The following FOXN3 variants were observed in gnomAD, a reference collection of about 807,000 sequenced individuals.
FOXN3 encodes forkhead box N3, also known as forkhead box protein N3.
FOXN3 carries 7 observed loss-of-function variants against 38.4 expected under a neutral mutation model. The ratio of observed to expected loss-of-function variants is 0.18; its 90% confidence interval spans 0.10 to 0.34. The LOEUF is 0.34. FOXN3 is among the 10% of genes least tolerant of loss of function. The pLI, the probability that FOXN3 is intolerant of heterozygous loss-of-function variation, is 1.00. For missense variants in FOXN3, 456 were observed against 613.4 expected (o/e 0.74, Z 2.71); for synonymous variants, 230 against 242.2 (o/e 0.95, Z 0.47).
rs746570619 is a variant in FOXN3 at position 89,162,801 on chromosome 14, G to C, written c.1020C>G (p.Ala340=). 1 of 1,612,716 alleles carries C rather than the reference G, an allele frequency of 6.2e-7. No individual in the cohort carries two copies. Among genetic ancestry groups the C allele is most frequent in the African/African-American group, 1.3e-5 (1 of 74,906 alleles). Residue 340 remains alanine, a synonymous_variant, in exon 6 of 6, where the codon GCC becomes GCG. Coordinates refer to ENST00000557258, the MANE Select transcript of FOXN3 (RefSeq NM_005197.4). This position sits in a 1 kb window ranked among gnomAD's most constrained non-coding sequence, Gnocchi z 7.2. ...SDSISSSSSS[A]DDHYEFATKG... ...TGGTGGCAAACTCATAGTGGTCGTCGGCTGAGGAGGAGGAGGAGGAGATGG... is the reference window on the plus strand; with the variant it reads ...TGGTGGCAAACTCATAGTGGTCGTCCGCTGAGGAGGAGGAGGAGGAGATGG...
At chr14:89,456,683 G>A (rs909392420) in intron 1 of FOXN3, among the ~76,000 whole-genome samples, 9 of 152,212 alleles carry the variant, frequency 5.9e-5, no homozygotes, top group African/African-American at 1.9e-4. Flanking sequence ...TTGAACCCAG[G>A]AAGCAGAGGT....
chr14:89,255,814 A>G (rs370922585), intron 4 of FOXN3, among the ~76,000 whole-genome samples: 2 of 152,258 alleles, frequency 1.3e-5, no homozygotes, highest in African/African-American at 4.8e-5. Flanking sequence ...CACACCATTC[A>G]TGACTGTCCT....
intron 1 of FOXN3, among the ~76,000 whole-genome samples, chr14:89,567,956 T>C (rs993206373): frequency 1.3e-5 from 2 of 151,960 alleles, no homozygotes; most frequent in East Asian, 1.9e-4. Context: ...TCTCCTGACC[T>C]CGTGATCCAC....
chr14:89,315,381 T>C (rs746440093), intron 3 of FOXN3, among the ~76,000 whole-genome samples: 3 of 152,134 alleles, frequency 2.0e-5, no homozygotes, highest in Non-Finnish European at 2.9e-5. Context: ...ATAAGATCGT[T>C]ACAACGAGGA....
intron 1 of FOXN3, among the ~76,000 whole-genome samples, chr14:89,458,317 T>C (rs1241213607): frequency 6.6e-6 from 1 of 152,236 alleles, no homozygotes. Context: ...CGGCTCCCCT[T>C]GCCTTATCCT....
chr14:89,180,882 G>A (rs1181113969), intron 4 of FOXN3, 76 bp from the exon 5 acceptor site: 4 of 1,233,646 alleles, frequency 3.2e-6, no homozygotes, highest in Non-Finnish European at 4.6e-6. Flanking sequence ...CAGAAATTCT[G>A]GATAGACCAA....
At chr14:89,470,588 T>A (rs1421156787) in intron 1 of FOXN3, among the ~76,000 whole-genome samples, 1 of 152,248 alleles carries the variant, frequency 6.6e-6, no homozygotes, top group Non-Finnish European at 1.5e-5. Flanking sequence ...CTCTCTGAGA[T>A]ATTTTTTATT....
chr14:89,180,377 C>T (rs931388967), intron 5 of FOXN3, among the ~76,000 whole-genome samples: 1 of 152,146 alleles, frequency 6.6e-6, no homozygotes. Context: ...GCGCTAGGCC[C>T]GTTAGCCTAG....
chr14:89,169,352 G>A (rs767099133), intron 5 of FOXN3, among the ~76,000 whole-genome samples: 4 of 152,100 alleles, frequency 2.6e-5, no homozygotes, highest in African/African-American at 4.8e-5. Flanking sequence ...AAGGTGGTAG[G>A]ATCATTTGAA....
intron 2 of FOXN3, among the ~76,000 whole-genome samples, chr14:89,379,881 A>T (rs1566972712): frequency 6.6e-6 from 1 of 152,030 alleles, no homozygotes; most frequent in Non-Finnish European, 1.5e-5. Flanking sequence ...GGCTGGTCTC[A>T]AACTCCTGAC....
At position 89,159,355 on chromosome 14, in the gene FOXN3, T is replaced by C. The variant is rs2139770152; in HGVS notation, c.*3059A>G. 6.5e-6 allele frequency: 1 copy of C among 152,712 alleles called. No homozygotes were observed. Among genetic ancestry groups the C allele is most frequent in the Admixed American group, 6.5e-5 (1 of 15,294 alleles). 9.5% of individuals were successfully genotyped at this position (152,712 alleles called of 1,614,324 possible). A position where few individuals can be genotyped will look rare whatever the true frequency, so the allele number is the denominator to read the frequency against. On this transcript the variant is annotated 3_prime_UTR_variant, in exon 6 of 6. Transcript: ENST00000557258. Reference sequence around the variant, plus strand: ...GAAAAATAGGAAGAAGTACCCTCACTAAAGGTTCCCCGACAAGTCTTCCGG... The same window carrying C: ...GAAAAATAGGAAGAAGTACCCTCACCAAAGGTTCCCCGACAAGTCTTCCGG...
At chr14:89,229,894 A>T (rs1233417960) in intron 4 of FOXN3, among the ~76,000 whole-genome samples, 1 of 152,252 alleles carries the variant, frequency 6.6e-6, no homozygotes, top group Non-Finnish European at 1.5e-5. Context: ...AGAGGAGAAC[A>T]GCTCAGGATG....
intron 1 of FOXN3, among the ~76,000 whole-genome samples, chr14:89,435,964 T>C (rs1304655844): frequency 6.6e-6 from 1 of 152,014 alleles, no homozygotes; most frequent in Non-Finnish European, 1.5e-5. Flanking sequence ...CGTACTCCAT[T>C]TCCTAGGGCT....
At chr14:89,178,576 C>A (rs886241020) in intron 5 of FOXN3, among the ~76,000 whole-genome samples, 5 of 152,226 alleles carry the variant, frequency 3.3e-5, no homozygotes, top group African/African-American at 1.2e-4. Context: ...AGGAGCCCAG[C>A]TGAGGCACTC....
rs185306410 is a variant in FOXN3, at chr14:89,464,986, G to A, written c.-14-52496C>T. Among the ~76,000 whole-genome samples, 215 of 152,250 alleles carry A rather than the reference G, an allele frequency of 1.4e-3. 2 individuals are homozygous for A. Among genetic ancestry groups the A allele is most frequent in the East Asian group, 5.4e-3 (28 of 5,172 alleles). ...GCTGGGTCTGCAGGCGTGAGCCACC[G>A]CACCTGACTTCCATGCTGCTTTTCT... On this transcript the variant is annotated intron_variant, in intron 1 of 6. Transcript: ENST00000345097.
chr14:89,220,210 T>C (rs115271183), intron 4 of FOXN3, among the ~76,000 whole-genome samples: 2,784 of 152,266 alleles, frequency 0.018, 82 homozygotes, highest in African/African-American at 0.063. Flanking sequence ...ATTCAGACCA[T>C]GGAAAGTGGC....
chr14:89,618,993 A>G (rs979788616), intron 1 of FOXN3: 1 of 152,506 alleles, frequency 6.6e-6, no homozygotes, highest in Non-Finnish European at 1.5e-5. Context: ...ACCCGAGCAG[A>G]TTAGGAGGCA....
intron 1 of FOXN3, among the ~76,000 whole-genome samples, chr14:89,537,312 A>G (rs192766428): frequency 7.4e-4 from 39 of 52,738 alleles, no homozygotes; most frequent in Admixed American, 2.0e-3. Flanking sequence ...GTTCCATCCA[A>G]TGAATTCCAT....
chr14:89,350,568 T>A (rs900940588), intron 3 of FOXN3, 104 bp downstream of exon 3: 1 of 1,034,920 alleles, frequency 9.7e-7, no homozygotes, highest in African/African-American at 1.7e-5. Context: ...TACCTGCAGT[T>A]ATTTTTAAAA....
Sources: allele counts gnomAD v4.1 joint callset (sites outside exome capture counted in the v4.1 genomes callset), GRCh38; gene constraint gnomAD v4.1.1; non-coding constraint Gnocchi (gnomAD v3.1); transcripts MANE v1.5; gene names NCBI Gene and HGNC (gene_info 2026-07-23, HGNC 2026-07-21).